ADCY10: variants seen among roughly 807,000 people sequenced by gnomAD.
The protein encoded by ADCY10 is adenylate cyclase 10, also known as adenylate cyclase type 10.
In ADCY10, 156 loss-of-function variants were observed where a neutral mutation model predicts 183.3. The ratio of observed to expected loss-of-function variants is 0.85; its 90% CI spans 0.75 to 0.97. The LOEUF (loss-of-function observed/expected upper bound fraction) is 0.97, where lower values mean the gene tolerates loss of function less well. Ranked by LOEUF, ADCY10 falls within the 50% of genes least tolerant of loss-of-function variation. ADCY10 has a pLI of 0.00. For synonymous variants in ADCY10, 645 were observed against 670.0 expected (o/e 0.96, Z 0.58); for missense variants, 1,745 against 1,934.3 (o/e 0.90, Z 1.84).
At position 167,809,465 on chromosome 1, in the gene ADCY10, A is replaced by T; in HGVS notation, c.*213T>A. 1 of 578,916 alleles carries T rather than the reference A, an allele frequency of 1.7e-6. No homozygotes were observed. The highest frequency in any genetic ancestry group is 3.0e-6 in the Non-Finnish European group (1 of 330,494). The allele number at this position is 578,916 out of a possible 1,614,324, so 35.9% of individuals were successfully genotyped here. A position where few individuals can be genotyped will look rare whatever the true frequency, so the allele number is the denominator to read the frequency against. On this transcript the variant is annotated 3_prime_UTR_variant, in exon 33 of 33. Transcript: ENST00000367851. The stretch of plus-strand genomic sequence containing the variant: ...GTCAAGCTAAAACAACATGAATGGT[A>T]AAAGCAATTTTTTGTAACATTAGGA...
intron 21 of ADCY10, among the ~76,000 whole-genome samples, chr1:167,841,885 A>G (rs1277910305): frequency 6.6e-6 from 1 of 152,272 alleles, no homozygotes; most frequent in Non-Finnish European, 1.5e-5. Context: ...TGCCTGGCAC[A>G]TAAATAAATA....
chr1:167,896,222 A>G, intron 7 of ADCY10, among the ~76,000 whole-genome samples: 1 of 152,370 alleles, frequency 6.6e-6, no homozygotes, highest in Non-Finnish European at 1.5e-5. Flanking sequence ...GGATGAATAA[A>G]TAAATAAGGG....
In ADCY10 at chr1:167,878,571, G is replaced by A. The variant is rs772973056; in HGVS notation, c.1281C>T (p.Cys427=). ...MMMYYPGIVT[C]DSVTYNGSNL... is the part of the protein sequence containing the mutation. ...TGCTCCCATTGTAGGTGACAGAGTC[G>A]CAGGTCACAATTCCTGGGTAGTACA... The change falls in exon 12 of 33, where the codon TGC becomes TGT. Residue 427 remains cysteine (C), a synonymous_variant. Transcript: ENST00000367851. 1.8e-5 allele frequency: 29 copies of A among 1,613,968 alleles called. No individual in the cohort carries two copies. The highest frequency in any genetic ancestry group is 1.2e-4 in the South Asian group (11 of 91,082).
intron 7 of ADCY10, among the ~76,000 whole-genome samples, chr1:167,896,108 T>A (rs969808510): frequency 1.3e-5 from 2 of 151,950 alleles, no homozygotes; most frequent in Non-Finnish European, 2.9e-5. Flanking sequence ...ACATAAACAG[T>A]CTCAGTAGAC....
At chr1:167,897,504 A>T (rs423791) in intron 6 of ADCY10, among the ~76,000 whole-genome samples, 24,697 of 94,490 alleles carry the variant, frequency 0.26, 4,014 homozygotes, top group Middle Eastern at 0.39. Flanking sequence ...CTCAAAAAAA[A>T]ATATATATAT....
At chr1:167,817,329 C>G (rs1259442270) in intron 31 of ADCY10, among the ~76,000 whole-genome samples, 1 of 152,214 alleles carries the variant, frequency 6.6e-6, no homozygotes, top group Non-Finnish European at 1.5e-5. Context: ...TGCGCCACTG[C>G]ACTCCAGCCT....
At chr1:167,863,815 TG>T (rs1666471077) in intron 14 of ADCY10, among the ~76,000 whole-genome samples, 1 of 152,236 alleles carries the variant, frequency 6.6e-6, no homozygotes. Context: ...AATTGGCACT[TG>T]GAGTCCGGAC....
At chr1:167,811,585 CAAAAAT>C (rs1558138118) in intron 31 of ADCY10, among the ~76,000 whole-genome samples, 1 of 152,058 alleles carries the variant, frequency 6.6e-6, no homozygotes, top group Non-Finnish European at 1.5e-5. Context: ...GACTCCATCT[CAAAAAT>C]AAATAAATAA....
intron 8 of ADCY10, among the ~76,000 whole-genome samples, chr1:167,885,297 A>G (rs921950721): frequency 3.3e-5 from 5 of 152,174 alleles, no homozygotes; most frequent in African/African-American, 1.2e-4. Context: ...TCTTTTGAGT[A>G]TGTATCTAGG....
intron 30 of ADCY10, 151 bp from the exon 31 acceptor site, chr1:167,818,418 A>G (rs1328661479): frequency 1.3e-6 from 1 of 783,552 alleles, no homozygotes; most frequent in South Asian, 1.4e-5. Context: ...ACTCCCTAAA[A>G]AAGCAGGAAA....
Position 167,893,912 on chromosome 1 carries a change from G to T in ADCY10, c.769C>A (p.Pro257Thr), listed in dbSNP as rs1204016387. 6.2e-7 allele frequency: 1 copy of T among 1,613,476 alleles called. No individual in the cohort carries two copies. Among genetic ancestry groups the T allele is most frequent in the African/African-American group, 1.3e-5 (1 of 74,842 alleles). The change falls in exon 8 of 33, where the codon CCT becomes ACT. Residue 257 changes from proline to threonine, a missense_variant. Coordinates refer to ENST00000367851, the MANE Select transcript of ADCY10 (RefSeq NM_018417.6). Reference sequence around the variant, plus strand: ...AGGGACATCTCCAGTTCAGGATCAGGCTTCAGCGTGCATGCAAGCCTCAGG... The same window carrying T: ...AGGGACATCTCCAGTTCAGGATCAGTCTTCAGCGTGCATGCAAGCCTCAGG... ...NLLRLACTLK[P>T]DPELEMSLQK... is the part of the protein sequence containing the mutation.
chr1:167,837,758 T>A (rs1664333270), intron 21 of ADCY10, among the ~76,000 whole-genome samples: 1 of 152,222 alleles, frequency 6.6e-6, no homozygotes, highest in African/African-American at 2.4e-5. Context: ...AATAACATTA[T>A]CCTAACTCAT....
intron 1 of ADCY10, among the ~76,000 whole-genome samples, chr1:167,907,000 G>T (rs1669865538): frequency 6.6e-6 from 1 of 152,170 alleles, no homozygotes; most frequent in Admixed American, 6.6e-5. Flanking sequence ...CTCCACCATG[G>T]AGGATTGAAA....
chr1:167,843,862 C>T (rs1261186124), intron 21 of ADCY10, among the ~76,000 whole-genome samples: 2 of 152,216 alleles, frequency 1.3e-5, no homozygotes, highest in Non-Finnish European at 2.9e-5. Flanking sequence ...GAGGAGGGCA[C>T]ACAGCACCTC....
intron 25 of ADCY10, among the ~76,000 whole-genome samples, 168 bp downstream of exon 25, chr1:167,832,819 G>C (rs546850447): frequency 6.6e-6 from 1 of 152,246 alleles, no homozygotes; most frequent in South Asian, 2.1e-4. Context: ...TGGCAACCCT[G>C]GTATGGGAGC....
intron 15 of ADCY10, 141 bp from the exon 16 acceptor site, chr1:167,860,034 A>G: frequency 1.4e-6 from 1 of 703,570 alleles, no homozygotes; most frequent in South Asian, 1.6e-5. Context: ...CCTTTTTGGC[A>G]CCAGGGACTA....
At chr1:167,880,380 A>G in intron 10 of ADCY10, 111 bp downstream of exon 10, 1 of 986,366 alleles carries the variant, frequency 1.0e-6, no homozygotes, top group East Asian at 2.4e-5. Flanking sequence ...TTTGAGACAC[A>G]GGACTAAGTT....
chr1:167,837,896 ACCT>A (rs1363453067), intron 21 of ADCY10, among the ~76,000 whole-genome samples: 4 of 152,330 alleles, frequency 2.6e-5, no homozygotes, highest in Admixed American at 2.6e-4. Flanking sequence ...TAAATTAAAA[ACCT>A]CAGTCTAAGC....
chr1:167,911,493 A>G (rs1033040316), intron 1 of ADCY10, among the ~76,000 whole-genome samples: 1 of 152,202 alleles, frequency 6.6e-6, no homozygotes, highest in Non-Finnish European at 1.5e-5. Context: ...AGCATTCCAC[A>G]AGTTACTTCC....
Sources: allele counts gnomAD v4.1 joint callset (sites outside exome capture counted in the v4.1 genomes callset), GRCh38; gene constraint gnomAD v4.1.1; transcripts MANE v1.5; gene names NCBI Gene and HGNC (gene_info 2026-07-23, HGNC 2026-07-21).